SGCD: variants seen among roughly 807,000 people sequenced by gnomAD.
The protein encoded by SGCD is delta-sarcoglycan.
SGCD carries 18 observed loss-of-function variants against 36.6 expected under a neutral mutation model. The ratio of observed to expected loss-of-function variants is 0.49; its 90% CI spans 0.34 to 0.73. The LOEUF (loss-of-function observed/expected upper bound fraction) is 0.73. SGCD is among the 30% of genes least tolerant of loss of function. The pLI, the probability that SGCD is intolerant of heterozygous loss-of-function variation, is 0.01. For synonymous variants in SGCD, 133 were observed against 130.6 expected, an observed-to-expected ratio of 1.02 and a Z score of -0.12; for missense variants, 387 against 346.7, an observed-to-expected ratio of 1.12 and a Z score of -0.92.
chr5:155,888,663 T>A (rs1756059306), intron 1 of SGCD, among the ~76,000 whole-genome samples: 1 of 152,198 alleles, frequency 6.6e-6, no homozygotes, highest in Admixed American at 6.5e-5. Flanking sequence ...TTTCTTTAGA[T>A]TCTTCTCTGT....
intron 4 of SGCD, among the ~76,000 whole-genome samples, chr5:156,531,203 A>T (rs145066753): frequency 5.8e-4 from 89 of 152,254 alleles, no homozygotes; most frequent in Admixed American, 1.2e-3. Flanking sequence ...CCCTTGGAGG[A>T]TGCAGCAACA....
At position 156,719,574 on chromosome 5, in the gene SGCD, C is replaced by T. The variant is rs567645055; in HGVS notation, c.576-38007C>T. The stretch of plus-strand genomic sequence containing the variant: ...ATCTAGCACATTAATAATTATTTTT[C>T]GAGTGGACATACAGTACTGCAGAGT... On this transcript the variant is annotated intron_variant, in intron 7 of 8. Coordinates refer to ENST00000337851, the MANE Select transcript of SGCD (RefSeq NM_000337.6). 5.8e-4 allele frequency among the ~76,000 whole-genome samples: 88 copies of T among 152,084 alleles called. 1 individual carries two copies. The highest frequency in any genetic ancestry group is 5.0e-3 in the East Asian group (26 of 5,162).
rs541310325 is a variant in SGCD at position 156,541,779 on chromosome 5, A to G, written c.294+33077A>G. ...ATAAAGTAAAAATCATGACTTGCAC[A>G]TTTTATGTATGCTGCAATGAATCTT... On this transcript the variant is annotated intron_variant, in intron 4 of 8. Transcript: ENST00000337851. Among the ~76,000 whole-genome samples the G allele has an allele frequency of 1.0e-3, 152 of 152,284 alleles. 1 individual carries two copies. The highest frequency in any genetic ancestry group is 3.6e-3 in the African/African-American group (150 of 41,584).
chr5:156,365,195 A>T (rs1481019591), intron 3 of SGCD, among the ~76,000 whole-genome samples: 1 of 152,232 alleles, frequency 6.6e-6, no homozygotes, highest in African/African-American at 2.4e-5. Context: ...TATGCAAATA[A>T]AAAGCACAGT....
chr5:156,089,464 G>A (rs1053708361), intron 1 of SGCD, among the ~76,000 whole-genome samples: 1 of 152,192 alleles, frequency 6.6e-6, no homozygotes, highest in African/African-American at 2.4e-5. Flanking sequence ...TTGTCATTTT[G>A]TATAGTGAAT....
At chr5:156,147,858 C>G (rs1437211597) in intron 3 of SGCD, among the ~76,000 whole-genome samples, 1 of 152,144 alleles carries the variant, frequency 6.6e-6, no homozygotes, top group African/African-American at 2.4e-5. Flanking sequence ...TTAAATGACT[C>G]ATTGAAGCCT....
chr5:156,306,283 C>A (rs1025863322), intron 3 of SGCD, among the ~76,000 whole-genome samples: 11 of 152,094 alleles, frequency 7.2e-5, no homozygotes, highest in African/African-American at 2.7e-4. Context: ...CCATGCTGTT[C>A]TCATGATAGT....
In SGCD at chr5:156,589,255, G is replaced by A. The variant is rs1760623235; in HGVS notation, c.319G>A (p.Ala107Thr). The A allele has an allele frequency of 6.4e-7, 1 of 1,572,080 alleles. No individual in the cohort carries two copies. The highest frequency in any genetic ancestry group is 1.9e-5 in the Admixed American group (1 of 53,472). The change falls in exon 5 of 9, where the codon GCC becomes ACC. Residue 107 changes from alanine (A) to threonine (T), a missense_variant. Coordinates refer to ENST00000337851, the MANE Select transcript of SGCD (RefSeq NM_000337.6). The part of the protein sequence containing the change: ...RPGNALYFKS[A>T]RNVTVNILND... ...GGGTAATGCCCTGTACTTCAAGTCT[G>A]CCAGAAATGTTACAGTGAACATTCT... is the stretch of plus-strand genomic sequence containing the variant.
intron 3 of SGCD, among the ~76,000 whole-genome samples, chr5:156,400,969 A>G (rs2127762327): frequency 6.6e-6 from 1 of 152,348 alleles, no homozygotes; most frequent in African/African-American, 2.4e-5. Context: ...GTTGCATGCC[A>G]TTTTATGCTT....
chr5:155,902,524 T>G (rs1756413256), intron 1 of SGCD, among the ~76,000 whole-genome samples: 1 of 152,194 alleles, frequency 6.6e-6, no homozygotes, highest in African/African-American at 2.4e-5. Flanking sequence ...AGTAAGTGAT[T>G]GACAGATGTG....
At chr5:156,668,499 T>A (rs1170498966) in intron 7 of SGCD, among the ~76,000 whole-genome samples, 2 of 152,220 alleles carry the variant, frequency 1.3e-5, no homozygotes, top group Non-Finnish European at 2.9e-5. Flanking sequence ...TGCTTCAATA[T>A]TTGAGCCATT....
chr5:156,005,430 T>C (rs896443716), intron 1 of SGCD, among the ~76,000 whole-genome samples: 16 of 59,164 alleles, frequency 2.7e-4, no homozygotes, highest in Non-Finnish European at 4.9e-4. Context: ...CTTCAGTTTT[T>C]GTTGTTGTTG....
At chr5:155,881,135 T>G (rs1755873236) in intron 1 of SGCD, among the ~76,000 whole-genome samples, 1 of 151,924 alleles carries the variant, frequency 6.6e-6, no homozygotes. Flanking sequence ...AACCCAGGGG[T>G]GCTGATTTTC....
intron 7 of SGCD, among the ~76,000 whole-genome samples, chr5:156,730,296 G>GTGTT (rs1033521635): frequency 2.6e-5 from 4 of 151,982 alleles, no homozygotes; most frequent in Non-Finnish European, 4.4e-5. Context: ...TGTGACATGG[G>GTGTT]TGTTTGTTAT....
chr5:155,843,571 C>T, the SGCD span, among the ~76,000 whole-genome samples: 1 of 152,188 alleles, frequency 6.6e-6, no homozygotes, highest in East Asian at 1.9e-4. Flanking sequence ...CATGTATATA[C>T]AGTCGAAGGC....
chr5:156,727,662 G>C (rs764802394), intron 7 of SGCD, among the ~76,000 whole-genome samples: 1 of 145,094 alleles, frequency 6.9e-6, no homozygotes, highest in African/African-American at 2.5e-5. Context: ...TGTGAAGTTA[G>C]ATCTGGGTTT....
At chr5:156,342,246 G>A (rs1208503883) in intron 2 of SGCD, among the ~76,000 whole-genome samples, 1 of 152,230 alleles carries the variant, frequency 6.6e-6, no homozygotes, top group African/African-American at 2.4e-5. Flanking sequence ...TTGAATGACA[G>A]AGAAAAGGCA....
intron 1 of SGCD, among the ~76,000 whole-genome samples, chr5:155,948,264 G>A (rs547454603): frequency 6.8e-4 from 104 of 152,208 alleles, no homozygotes; most frequent in African/African-American, 2.2e-3. Flanking sequence ...GCGACAGGGT[G>A]ACATTCTGTC....
intron 3 of SGCD, among the ~76,000 whole-genome samples, chr5:156,260,116 C>G (rs1430844175): frequency 6.6e-6 from 1 of 152,122 alleles, no homozygotes; most frequent in Non-Finnish European, 1.5e-5. Flanking sequence ...TTCTGTGCAT[C>G]TATTTTATAT....
Sources: gnomAD v4.1 joint callset for allele counts (sites outside exome capture counted in the v4.1 genomes callset) on GRCh38, gnomAD v4.1.1 for gene constraint, MANE v1.5 for transcripts, NCBI Gene and HGNC (gene_info 2026-07-23, HGNC 2026-07-21) for gene names.